Variants in SLC8A1 observed in about 807,000 individuals in gnomAD.
SLC8A1 encodes sodium/calcium exchanger 1.
A neutral mutation model predicts 68.3 loss-of-function variants in SLC8A1; 18 were observed. That is an observed-to-expected ratio of 0.26 (90% CI 0.18 to 0.39). The LOEUF (loss-of-function observed/expected upper bound fraction) is 0.39, where lower values mean the gene tolerates loss of function less well. Ranked by LOEUF, SLC8A1 falls within the 10% of genes least tolerant of loss-of-function variation. SLC8A1 has a pLI of 1.00. For synonymous variants in SLC8A1, 475 were observed against 415.5 expected, an observed-to-expected ratio of 1.14 and a Z score of -1.74; for missense variants, 985 against 1,156.7, an observed-to-expected ratio of 0.85 and a Z score of 2.15.
intron 1 of SLC8A1, among the ~76,000 whole-genome samples, chr2:40,441,460 T>C (rs1425425901): frequency 2.7e-5 from 4 of 150,154 alleles, no homozygotes; most frequent in Non-Finnish European, 5.9e-5. Context: ...GCCAAGACAA[T>C]CCTAAGCAAA....
chr2:40,145,109 C>T (rs542490986), intron 6 of SLC8A1, among the ~76,000 whole-genome samples: 1 of 152,258 alleles, frequency 6.6e-6, no homozygotes, highest in Non-Finnish European at 1.5e-5. Flanking sequence ...GTAACCACTG[C>T]TTCATTCCTA....
At chr2:40,382,251 CAGT>C (rs566527212) in intron 2 of SLC8A1, among the ~76,000 whole-genome samples, 244 of 152,222 alleles carry the variant, frequency 1.6e-3, no homozygotes, top group Admixed American at 3.3e-3. Flanking sequence ...AAAGGCATAA[CAGT>C]AGAAGTTCTC....
intron 2 of SLC8A1, among the ~76,000 whole-genome samples, chr2:40,362,481 C>G (rs1674911887): frequency 6.6e-6 from 1 of 152,078 alleles, no homozygotes; most frequent in Non-Finnish European, 1.5e-5. Context: ...CATTGTGCTA[C>G]TATTTTTTAA....
At chr2:40,416,441 T>C (rs917707489) in intron 2 of SLC8A1, among the ~76,000 whole-genome samples, 7 of 152,206 alleles carry the variant, frequency 4.6e-5, no homozygotes, top group Non-Finnish European at 8.8e-5. Flanking sequence ...CTTTAAAAAG[T>C]AAGGCATAGA....
At chr2:40,284,375 G>A (rs1432335280) in intron 2 of SLC8A1, among the ~76,000 whole-genome samples, 2 of 145,704 alleles carry the variant, frequency 1.4e-5, no homozygotes, top group African/African-American at 2.5e-5. Flanking sequence ...ATATATTTAT[G>A]TATGATATAT....
intron 2 of SLC8A1, among the ~76,000 whole-genome samples, chr2:40,307,581 A>G (rs756418570): frequency 8.5e-5 from 13 of 152,230 alleles, no homozygotes; most frequent in African/African-American, 3.1e-4. Context: ...CAGCGAAAGG[A>G]AACAAAAGCC....
chr2:40,157,053 G>T (rs435403), intron 6 of SLC8A1, among the ~76,000 whole-genome samples: 16,608 of 152,076 alleles, frequency 0.11, 1,044 homozygotes, highest in Admixed American at 0.18. Context: ...TTTATAAAAT[G>T]GTATGCATGA....
At chr2:40,405,946 G>C (rs1227300086) in intron 2 of SLC8A1, among the ~76,000 whole-genome samples, 1 of 152,136 alleles carries the variant, frequency 6.6e-6, no homozygotes, top group Non-Finnish European at 1.5e-5. Flanking sequence ...AAATCTGTTA[G>C]CTGAATCTTC....
chr2:40,154,667 G>A (rs559487743), intron 6 of SLC8A1, among the ~76,000 whole-genome samples: 1 of 151,904 alleles, frequency 6.6e-6, no homozygotes, highest in South Asian at 2.1e-4. Flanking sequence ...CTTTGACAAA[G>A]TTTTCTTTTT....
intron 2 of SLC8A1, among the ~76,000 whole-genome samples, chr2:40,259,504 T>A (rs1055978979): frequency 4.6e-5 from 7 of 152,144 alleles, no homozygotes; most frequent in African/African-American, 1.4e-4. Flanking sequence ...TTTTTAAAAA[T>A]AGGGTCTCAT....
chr2:40,483,511 G>A (rs2149915288), intron 1 of SLC8A1, among the ~76,000 whole-genome samples: 1 of 152,244 alleles, frequency 6.6e-6, no homozygotes, highest in Middle Eastern at 3.4e-3. Flanking sequence ...AATAGCTACA[G>A]TCAACAAAGC....
intron 1 of SLC8A1, among the ~76,000 whole-genome samples, chr2:40,509,043 G>T (rs1706538713): frequency 6.6e-6 from 1 of 152,138 alleles, no homozygotes; most frequent in Non-Finnish European, 1.5e-5. Context: ...CTCCTCAACA[G>T]TACCAAGTGC....
intron 2 of SLC8A1, among the ~76,000 whole-genome samples, chr2:40,239,274 ACTC>A (rs1171969455): frequency 2.0e-5 from 3 of 151,902 alleles, no homozygotes; most frequent in African/African-American, 7.2e-5. Flanking sequence ...CCCAATCACT[ACTC>A]CTATTGTTGA....
chr2:40,353,301 A>G (rs1302020085), intron 2 of SLC8A1, among the ~76,000 whole-genome samples: 2 of 152,138 alleles, frequency 1.3e-5, no homozygotes, highest in African/African-American at 4.8e-5. Context: ...AAAGAAAAAA[A>G]TGGAGCAAAG....
At chr2:40,198,362 A>T (rs1010881606) in intron 2 of SLC8A1, among the ~76,000 whole-genome samples, 3 of 152,040 alleles carry the variant, frequency 2.0e-5, no homozygotes, top group African/African-American at 7.2e-5. Flanking sequence ...TCTTGTTTGC[A>T]TTTCCCAAGC....
chr2:40,270,616 G>A (rs1363166486), intron 2 of SLC8A1, among the ~76,000 whole-genome samples: 1 of 152,172 alleles, frequency 6.6e-6, no homozygotes, highest in African/African-American at 2.4e-5. Flanking sequence ...CTGCTTTTAA[G>A]GACCCATGTG....
intron 2 of SLC8A1, among the ~76,000 whole-genome samples, chr2:40,390,101 G>A (rs1465519213): frequency 6.6e-6 from 1 of 151,964 alleles, no homozygotes. Context: ...TGTAATGGAA[G>A]AAACATTTTA....
intron 2 of SLC8A1, among the ~76,000 whole-genome samples, chr2:40,243,653 G>A (rs2061486636): frequency 6.6e-6 from 1 of 152,292 alleles, no homozygotes; most frequent in Admixed American, 6.5e-5. Flanking sequence ...ATGAACAAAG[G>A]AATGCAACAT....
chr2:40,234,532 A>T (rs1256189447), intron 2 of SLC8A1, among the ~76,000 whole-genome samples: 2 of 152,314 alleles, frequency 1.3e-5, no homozygotes, highest in African/African-American at 4.8e-5. Context: ...ATATACAATC[A>T]TGTCTTCTGC....
Sources: gnomAD v4.1 joint callset for allele counts (sites outside exome capture counted in the v4.1 genomes callset) on GRCh38, gnomAD v4.1.1 for gene constraint, MANE v1.5 for transcripts, NCBI Gene and HGNC (gene_info 2026-07-23, HGNC 2026-07-21) for gene names.